The following OR3A2 variants were observed in gnomAD, a reference collection of about 807,000 sequenced individuals.
OR3A2 encodes olfactory receptor family 3 subfamily A member 2, also known as olfactory receptor 3A2.
For missense variants in OR3A2, 318 were observed against 392.8 expected (o/e 0.81, Z 1.61); for synonymous variants, 126 against 159.3 (o/e 0.79, Z 1.57).
intron 2 of OR3A2, among the ~76,000 whole-genome samples, chr17:3,373,077 T>G (rs2049646775): frequency 6.6e-6 from 1 of 152,228 alleles, no homozygotes; most frequent in Admixed American, 6.5e-5. Context: ...AAGCAGCTTA[T>G]ATAATTTCCA....
intron 3 of OR3A2, among the ~76,000 whole-genome samples, chr17:3,314,439 C>G (rs9908531): frequency 0.15 from 23,049 of 151,990 alleles, 2,320 homozygotes; most frequent in African/African-American, 0.28. Flanking sequence ...GAAGAGTGAA[C>G]GTATTGACAT....
At chr17:3,358,204 A>G (rs913506881) in intron 2 of OR3A2, among the ~76,000 whole-genome samples, 2 of 151,812 alleles carry the variant, frequency 1.3e-5, no homozygotes, top group African/African-American at 4.9e-5. Context: ...TCCCAGACCT[A>G]GAAGGTTTCA....
chr17:3,321,700 T>A (rs1283848430), intron 3 of OR3A2, among the ~76,000 whole-genome samples: 1 of 152,230 alleles, frequency 6.6e-6, no homozygotes. Context: ...TGGCATATGT[T>A]GAACCAGCCT....
upstream of OR3A2, among the ~76,000 whole-genome samples, chr17:3,288,246 C>CAAAAAAAAAAAAAAAAAAAAAAAA: frequency 9.5e-5 from 7 of 73,490 alleles, no homozygotes; most frequent in East Asian, 5.8e-4. Flanking sequence ...ACCAAAAGGG[C>CAAAAAAAAAAAAAAAAAAAAAAAA]AAAAAAAAAA....
At chr17:3,289,873 T>A (rs974642300) in intron 3 of OR3A2, among the ~76,000 whole-genome samples, 5 of 152,066 alleles carry the variant, frequency 3.3e-5, no homozygotes, top group African/African-American at 1.2e-4. Context: ...ATGCAATAAA[T>A]CAGAAAAAGG....
At position 3,359,889 on chromosome 17, in the gene OR3A2, A is replaced by G. The variant is rs577890227; in HGVS notation, c.-178-23763T>C. 5.9e-5 allele frequency among the ~76,000 whole-genome samples: 9 copies of G among 151,942 alleles called. No homozygotes were observed. In the East Asian group the frequency reaches 1.7e-3, roughly 29 times the overall value. On this transcript the variant is annotated intron_variant, in intron 2 of 4. Transcript: ENST00000573491. ...AGTGCCGCAATAAACATATGTGTGC[A>G]TGTGTCTTTATAGCAGCATGATTTA...
At chr17:3,310,146 TCTTCAA>T in intron 3 of OR3A2, 1 of 352,946 alleles carries the variant, frequency 2.8e-6, no homozygotes, top group Admixed American at 3.8e-5. Flanking sequence ...TACATCTAAA[TCTTCAA>T]CTTCCTTCCC....
At chr17:3,304,739 C>G (rs1041557549) in intron 3 of OR3A2, among the ~76,000 whole-genome samples, 2 of 152,126 alleles carry the variant, frequency 1.3e-5, no homozygotes, top group Non-Finnish European at 2.9e-5. Flanking sequence ...CAAAAGCCTG[C>G]GGTCCATATG....
chr17:3,371,904 G>A (rs1253487150), intron 2 of OR3A2, among the ~76,000 whole-genome samples: 4 of 149,272 alleles, frequency 2.7e-5, no homozygotes, highest in Admixed American at 1.3e-4. Context: ...TCCCGGACGG[G>A]GCGGCTGGCC....
intron 2 of OR3A2, among the ~76,000 whole-genome samples, chr17:3,337,258 A>G (rs906028397): frequency 6.6e-5 from 10 of 152,032 alleles, no homozygotes; most frequent in Admixed American, 3.9e-4. Context: ...GTTCTCCAGA[A>G]CTTCTTCATG....
chr17:3,334,791 G>A (rs979602667), intron 3 of OR3A2, among the ~76,000 whole-genome samples: 8 of 152,206 alleles, frequency 5.3e-5, no homozygotes, highest in Non-Finnish European at 8.8e-5. Context: ...CTAGAGAAGA[G>A]TGTCATAGGC....
intron 3 of OR3A2, among the ~76,000 whole-genome samples, chr17:3,295,397 C>T (rs867666277): frequency 3.3e-5 from 5 of 151,908 alleles, no homozygotes; most frequent in African/African-American, 1.2e-4. Flanking sequence ...AATTAGTAGA[C>T]ACTGACTAAA....
intron 1 of OR3A2, among the ~76,000 whole-genome samples, chr17:3,282,030 A>G (rs2048779738): frequency 6.6e-6 from 1 of 152,058 alleles, no homozygotes; most frequent in Non-Finnish European, 1.5e-5. Context: ...TTCCCTCTTC[A>G]TTGTTTTTCT....
intron 2 of OR3A2, chr17:3,377,683 TG>T (rs539371797): frequency 1.2e-4 from 19 of 152,406 alleles, no homozygotes; most frequent in African/African-American, 4.1e-4. Context: ...GGCACTTCTC[TG>T]GGGAAAAGAA....
At chr17:3,285,950 T>C (rs1273487559), upstream of OR3A2, among the ~76,000 whole-genome samples, 1 of 152,206 alleles carries the variant, frequency 6.6e-6, no homozygotes, top group East Asian at 1.9e-4. Context: ...AGTTCTGGGG[T>C]ACATGTGCAG....
chr17:3,276,781 G>A (rs974219065), downstream of OR3A2, among the ~76,000 whole-genome samples: 1 of 152,256 alleles, frequency 6.6e-6, no homozygotes, highest in South Asian at 2.1e-4. Context: ...CATTAAATGA[G>A]AGAAAAAGGC....
chr17:3,369,086 T>C (rs745857385), intron 2 of OR3A2, among the ~76,000 whole-genome samples: 7 of 152,232 alleles, frequency 4.6e-5, no homozygotes, highest in East Asian at 1.9e-4. Flanking sequence ...ACGTTGATTA[T>C]GTATCCTGAA....
At chr17:3,374,715 T>A (rs917446391) in intron 2 of OR3A2, among the ~76,000 whole-genome samples, 15 of 152,304 alleles carry the variant, frequency 9.8e-5, no homozygotes, top group African/African-American at 3.6e-4. Context: ...TTATTTTTAT[T>A]TTTTAGCTCC....
chr17:3,304,156 A>C (rs1257920131), intron 3 of OR3A2, among the ~76,000 whole-genome samples: 12 of 152,130 alleles, frequency 7.9e-5, no homozygotes, highest in Admixed American at 3.9e-4. Context: ...GCTGGTGAGC[A>C]CATGAACCAT....
Sources: gnomAD v4.1 joint callset for allele counts (sites outside exome capture counted in the v4.1 genomes callset) on GRCh38, gnomAD v4.1.1 for gene constraint, MANE v1.5 for transcripts, NCBI Gene and HGNC (gene_info 2026-07-23, HGNC 2026-07-21) for gene names.